Variants in F13A1 observed in about 807,000 individuals in gnomAD.
F13A1 encodes coagulation factor XIII A chain.
In F13A1, 47 loss-of-function variants were observed where a neutral mutation model predicts 80.1. That is an observed-to-expected ratio of 0.59 (90% CI 0.46 to 0.75). F13A1 has a LOEUF of 0.75. Among genes scored for constraint, F13A1 ranks in the 30% least tolerant of loss-of-function variants. The pLI, the probability that F13A1 is intolerant of heterozygous loss-of-function variation, is 0.00. For synonymous variants in F13A1, 349 were observed against 344.9 expected (o/e 1.01, Z -0.13); for missense variants, 817 against 930.4 (o/e 0.88, Z 1.59).
rs1760522684 is a variant in F13A1, at chr6:6,158,834, T to C, written c.1909-6885A>G. 1.3e-5 allele frequency among the ~76,000 whole-genome samples: 2 copies of C among 152,158 alleles called. 1 individual carries two copies. Among genetic ancestry groups the C allele is most frequent in the South Asian group, 4.2e-4 (2 of 4,818 alleles). On this transcript the variant is annotated intron_variant, in intron 13 of 14. Coordinates refer to ENST00000264870, the MANE Select transcript of F13A1 (RefSeq NM_000129.4). ...GAAACTACAGTTAAGTCTCACAGTG[T>C]AGCCAGTCACTGTCATGTACTTTGT...
At position 6,218,229 on chromosome 6, in the gene F13A1, C is replaced by T. The variant is rs1375375706; in HGVS notation, c.1112+3804G>A. Among the ~76,000 whole-genome samples the T allele has an allele frequency of 2.6e-5, 4 of 152,098 alleles. 1 individual carries two copies. The highest frequency in any genetic ancestry group is 7.2e-5 in the African/African-American group (3 of 41,432). On this transcript the variant is annotated intron_variant, in intron 8 of 14. Transcript: ENST00000264870. ...CGTCTCTGTCTTTTAAAATTGTTTCCATTTTGACTGTGACCTTTGTATAAT... is the reference window on the plus strand; with the variant it reads ...CGTCTCTGTCTTTTAAAATTGTTTCTATTTTGACTGTGACCTTTGTATAAT...
chr6:6,231,976 T>C (rs1013899069), intron 6 of F13A1, among the ~76,000 whole-genome samples: 1 of 152,056 alleles, frequency 6.6e-6, no homozygotes, highest in African/African-American at 2.4e-5. Context: ...CAGAACTTCT[T>C]TAAAGCATAA....
rs912524112 is a variant in F13A1 at position 6,247,640 on chromosome 6, A to G, written c.798+672T>C. Among the ~76,000 whole-genome samples the G allele has an allele frequency of 2.6e-5, 4 of 152,232 alleles. No homozygotes were observed. The East Asian group carries it at 7.7e-4, about 29-fold the overall frequency. On this transcript the variant is annotated intron_variant, in intron 6 of 14. Coordinates refer to ENST00000264870, the MANE Select transcript of F13A1 (RefSeq NM_000129.4). Reference sequence around the variant, plus strand: ...ATCTCTGCATTCTCAAAGTTGTTTTAGGATATCCTGCAGAGAGCGGCATGA... The same window carrying G: ...ATCTCTGCATTCTCAAAGTTGTTTTGGGATATCCTGCAGAGAGCGGCATGA...
chr6:6,197,470 G>T, intron 8 of F13A1, 144 bp from the exon 9 acceptor site: 1 of 732,866 alleles, frequency 1.4e-6, no homozygotes. Context: ...ACAAGGTCAA[G>T]ACATCAAGAC....
intron 4 of F13A1, among the ~76,000 whole-genome samples, chr6:6,262,536 A>G (rs1418304117): frequency 6.6e-6 from 1 of 152,148 alleles, no homozygotes; most frequent in Non-Finnish European, 1.5e-5. Context: ...AATGAAGAAG[A>G]TTGTGCTAGT....
intron 6 of F13A1, among the ~76,000 whole-genome samples, chr6:6,238,083 A>C (rs1054357951): frequency 1.3e-5 from 2 of 152,236 alleles, no homozygotes; most frequent in Non-Finnish European, 2.9e-5. Flanking sequence ...GCAGTAAAAA[A>C]GGCAGTGTGG....
chr6:6,209,323 T>TAAAAAAAAAAAAAAAAAAAAA (rs34436663), intron 8 of F13A1, among the ~76,000 whole-genome samples: 1 of 131,808 alleles, frequency 7.6e-6, no homozygotes, highest in Non-Finnish European at 1.7e-5. Context: ...CAATAATAAT[T>TAAAAAAAAAAAAAAAAAAAAA]AAAAAAAAAA....
chr6:6,258,966 A>C (rs1374199193), intron 4 of F13A1, among the ~76,000 whole-genome samples: 4 of 152,126 alleles, frequency 2.6e-5, no homozygotes, highest in Non-Finnish European at 5.9e-5. Context: ...AGTACTTTTT[A>C]CAATTGTAAT....
At chr6:6,161,551 TGAGAGAGA>T (rs111622535) in intron 13 of F13A1, among the ~76,000 whole-genome samples, 4 of 146,280 alleles carry the variant, frequency 2.7e-5, no homozygotes, top group Admixed American at 1.4e-4. Flanking sequence ...TGTGTGTGTG[TGAGAGAGA>T]GAGAGAGAGA....
intron 2 of F13A1, among the ~76,000 whole-genome samples, chr6:6,308,525 TATTGTC>T (rs1203470685): frequency 6.6e-6 from 1 of 151,368 alleles, no homozygotes; most frequent in Non-Finnish European, 1.5e-5. Flanking sequence ...CAAATCAAGA[TATTGTC>T]AGTGTCTTGG....
At chr6:6,182,531 G>C (rs370172529) in intron 10 of F13A1, among the ~76,000 whole-genome samples, 48 of 152,158 alleles carry the variant, frequency 3.2e-4, no homozygotes, top group African/African-American at 1.1e-3. Flanking sequence ...AGGAGGAAGA[G>C]GAAGTCTGCT....
chr6:6,291,533 A>G (rs1471775631), intron 3 of F13A1, among the ~76,000 whole-genome samples: 2 of 152,156 alleles, frequency 1.3e-5, no homozygotes, highest in Non-Finnish European at 2.9e-5. Context: ...AATCTACCCG[A>G]GTTCAACCAG....
chr6:6,171,189 G>A (rs971309388), intron 12 of F13A1, among the ~76,000 whole-genome samples: 2 of 152,232 alleles, frequency 1.3e-5, no homozygotes, highest in African/African-American at 4.8e-5. Flanking sequence ...TCCAGGTAAT[G>A]GGAGCACAAG....
At chr6:6,236,634 T>C (rs1647763534) in intron 6 of F13A1, among the ~76,000 whole-genome samples, 1 of 152,160 alleles carries the variant, frequency 6.6e-6, no homozygotes, top group South Asian at 2.1e-4. Context: ...GCATTTTATA[T>C]GGCTATGATG....
intron 6 of F13A1, among the ~76,000 whole-genome samples, chr6:6,241,214 G>A (rs1220802651): frequency 1.3e-5 from 2 of 152,220 alleles, no homozygotes; most frequent in Non-Finnish European, 1.5e-5. Flanking sequence ...TCAAGTCCAT[G>A]ATGGAACCTA....
At position 6,251,987 on chromosome 6, in the gene F13A1, C is replaced by G. The variant is rs1757639090; in HGVS notation, c.572-1058G>C. 2.6e-5 allele frequency among the ~76,000 whole-genome samples: 4 copies of G among 152,022 alleles called. No homozygotes were observed. The South Asian group carries it at 8.3e-4, about 31-fold the overall frequency. On this transcript the variant is annotated intron_variant, in intron 4 of 14. Transcript: ENST00000264870. ...CCCTTCCTCCAAAAAAAAAATGCCA[C>G]TTGGAGCTGAATCTGACAGAGTCTG...
chr6:6,259,534 G>C (rs1421044404), intron 4 of F13A1, among the ~76,000 whole-genome samples: 4 of 152,172 alleles, frequency 2.6e-5, no homozygotes, highest in African/African-American at 9.7e-5. Flanking sequence ...TTTGGTGTCA[G>C]ATGCTAAGAG....
At chr6:6,251,704 G>A (rs1365376004) in intron 4 of F13A1, among the ~76,000 whole-genome samples, 3 of 152,134 alleles carry the variant, frequency 2.0e-5, no homozygotes, top group Admixed American at 6.6e-5. Context: ...GTTTTTACAC[G>A]AATTCTACCT....
Position 6,318,572 on chromosome 6 carries a change from C to T in F13A1, c.93G>A (p.Glu31=). The T allele has an allele frequency of 7.4e-6, 12 of 1,613,836 alleles. No homozygotes were observed. Among genetic ancestry groups the T allele is most frequent in the Non-Finnish European group, 1.0e-5 (12 of 1,179,914 alleles). ...NAAEDDLPTV[E]LQGVVPRGVN... is the part of the protein sequence containing the mutation. ...CGCCCCGGGGCACCACGCCCTGAAG[C>T]TCCACTGTGGGCAGGTCATCTTCCG... Residue 31 remains glutamate (E), a synonymous_variant, in exon 2 of 15, where the codon GAG becomes GAA. Coordinates refer to ENST00000264870, the MANE Select transcript of F13A1 (RefSeq NM_000129.4).
Sources: gnomAD v4.1 joint callset for allele counts (sites outside exome capture counted in the v4.1 genomes callset) on GRCh38, gnomAD v4.1.1 for gene constraint, MANE v1.5 for transcripts, NCBI Gene and HGNC (gene_info 2026-07-23, HGNC 2026-07-21) for gene names.